Variants in ENTHD1 observed in about 807,000 individuals in gnomAD.
ENTHD1 encodes ENTH domain containing 1.
ENTHD1 carries 23 observed loss-of-function variants against 39.1 expected under a neutral mutation model. That is an observed-to-expected ratio of 0.59 (90% CI 0.42 to 0.83). ENTHD1 has a LOEUF of 0.83. Among genes scored for constraint, ENTHD1 ranks in the 40% least tolerant of loss-of-function variants. The pLI, the probability that ENTHD1 is intolerant of heterozygous loss-of-function variation, is 0.00. For missense variants in ENTHD1, 624 were observed against 705.4 expected, an observed-to-expected ratio of 0.88 and a Z score of 1.31; for synonymous variants, 230 against 258.2, an observed-to-expected ratio of 0.89 and a Z score of 1.05.
chr22:39,757,896 T>G (rs980951945), intron 6 of ENTHD1, among the ~76,000 whole-genome samples: 2 of 152,088 alleles, frequency 1.3e-5, no homozygotes, highest in East Asian at 3.9e-4. Context: ...TGACAGTTCC[T>G]CCTTCATGCA....
chr22:39,826,340 T>A (rs780606594), intron 4 of ENTHD1, among the ~76,000 whole-genome samples: 11 of 152,260 alleles, frequency 7.2e-5, no homozygotes, highest in African/African-American at 1.2e-4. Context: ...TTAAATTTTT[T>A]AATTATTTTT....
chr22:39,872,850 CTT>C (rs35796089), intron 2 of ENTHD1, among the ~76,000 whole-genome samples: 57 of 139,908 alleles, frequency 4.1e-4, no homozygotes, highest in Admixed American at 4.3e-4. Context: ...AGTAAAATCA[CTT>C]TTTTTTTTTT....
intron 6 of ENTHD1, among the ~76,000 whole-genome samples, chr22:39,756,330 A>T (rs1478378026): frequency 6.6e-6 from 1 of 151,634 alleles, no homozygotes; most frequent in Admixed American, 6.6e-5. Context: ...ACACACACAC[A>T]CACACACACG....
intron 3 of ENTHD1, among the ~76,000 whole-genome samples, chr22:39,846,810 C>T (rs2065992744): frequency 6.6e-6 from 1 of 152,060 alleles, no homozygotes; most frequent in Non-Finnish European, 1.5e-5. Flanking sequence ...TCATCACTGG[C>T]CATCAGAGAA....
At chr22:39,805,680 G>A (rs926422416) in intron 5 of ENTHD1, among the ~76,000 whole-genome samples, 7 of 152,140 alleles carry the variant, frequency 4.6e-5, no homozygotes, top group Non-Finnish European at 1.0e-4. Context: ...CTTTGAGGTC[G>A]TTCTCAAGAG....
intron 6 of ENTHD1, among the ~76,000 whole-genome samples, chr22:39,764,111 G>GT (rs1284275073): frequency 6.6e-6 from 1 of 152,086 alleles, no homozygotes; most frequent in Non-Finnish European, 1.5e-5. Flanking sequence ...CTTCAACATG[G>GT]TGGCTTCCAT....
intron 6 of ENTHD1, among the ~76,000 whole-genome samples, chr22:39,755,999 A>G (rs916498780): frequency 2.0e-5 from 3 of 152,070 alleles, no homozygotes; most frequent in Non-Finnish European, 4.4e-5. Context: ...CAACTATGCT[A>G]TTCATCCAAG....
intron 2 of ENTHD1, among the ~76,000 whole-genome samples, chr22:39,876,816 A>G (rs2066294016): frequency 6.6e-6 from 1 of 152,210 alleles, no homozygotes; most frequent in African/African-American, 2.4e-5. Context: ...TTTCTAAAAA[A>G]AGTCAATTGC....
In ENTHD1 at chr22:39,744,056, C is replaced by G. The variant is rs746563037; in HGVS notation, c.1447G>C (p.Glu483Gln). Residue 483 changes from glutamate (E) to glutamine (Q), a missense_variant, in exon 7 of 7, where the codon GAG becomes CAG. Physicochemically the swap from Glu to Gln is conservative, Grantham distance 29. Transcript: ENST00000325157. ...ASRGPVSSDV[E>Q]ENDSLNLLGI... ...AGTAGATTGAGGCTATCATTTTCCT[C>G]TACATCAGAAGACACTGGGCCCCTA... 4 of 1,614,044 alleles carry G rather than the reference C, an allele frequency of 2.5e-6. No homozygotes were observed. In the African/African-American group the frequency reaches 5.3e-5, roughly 22 times the overall value.
rs2066366389 is a variant in ENTHD1 at position 39,884,643 on chromosome 22, C to T, written c.349+2757G>A. ...CAAAGCTACTGTAATCAAAACAGTACAGTACTAGCATAAGGCCTGACATAC... is the reference window on the plus strand; with the variant it reads ...CAAAGCTACTGTAATCAAAACAGTATAGTACTAGCATAAGGCCTGACATAC... On this transcript the variant is annotated intron_variant, in intron 2 of 6. Coordinates refer to ENST00000325157, the MANE Select transcript of ENTHD1 (RefSeq NM_152512.4). Among the ~76,000 whole-genome samples the T allele has an allele frequency of 3.3e-5, 5 of 151,632 alleles. No individual in the cohort carries two copies. In the South Asian group the frequency reaches 1.0e-3, roughly 31 times the overall value.
intron 3 of ENTHD1, among the ~76,000 whole-genome samples, chr22:39,846,024 AT>A (rs1370195658): frequency 6.6e-6 from 1 of 152,132 alleles, no homozygotes; most frequent in Non-Finnish European, 1.5e-5. Context: ...AAATCCATGC[AT>A]TTATGGCCAA....
chr22:39,829,853 C>T (rs994756891), intron 4 of ENTHD1, among the ~76,000 whole-genome samples: 2 of 150,142 alleles, frequency 1.3e-5, no homozygotes, highest in African/African-American at 2.4e-5. Flanking sequence ...AATGTCTTAT[C>T]TTTAAATTTT....
chr22:39,782,945 GAAGA>G (rs1247041550), intron 5 of ENTHD1, among the ~76,000 whole-genome samples: 3 of 152,082 alleles, frequency 2.0e-5, no homozygotes, highest in African/African-American at 4.8e-5. Context: ...TTAGGTAACA[GAAGA>G]AATAAAGGGC....
rs746928602 is a variant in ENTHD1, at chr22:39,887,457, A to G, written c.292T>C (p.Cys98Arg). The change falls in exon 2 of 7, where the codon TGT becomes CGT. Residue 98 changes from cysteine to arginine, a missense_variant. By Grantham distance (180) the Cys-to-Arg change is radical (BLOSUM62 -3). Transcript: ENST00000325157. Reference sequence around the variant, plus strand: ...AAATCTTTTAGTGTTTGAAGGTTACAGAACCCCTCTCTGCAATGCTGAATA... The same window carrying G: ...AAATCTTTTAGTGTTTGAAGGTTACGGAACCCCTCTCTGCAATGCTGAATA... ...KVIQHCREGF[C>R]NLQTLKDFQH... The G allele has an allele frequency of 6.2e-7, 1 of 1,613,886 alleles. No homozygotes were observed. Among genetic ancestry groups the G allele is most frequent in the African/African-American group, 1.3e-5 (1 of 74,938 alleles).
At chr22:39,877,948 G>A (rs2066305164) in intron 2 of ENTHD1, among the ~76,000 whole-genome samples, 2 of 152,114 alleles carry the variant, frequency 1.3e-5, no homozygotes, top group South Asian at 2.1e-4. Context: ...ACAGTTTGAG[G>A]AGACAGAACA....
At chr22:39,864,646 T>C (rs927021470) in intron 2 of ENTHD1, among the ~76,000 whole-genome samples, 1 of 152,110 alleles carries the variant, frequency 6.6e-6, no homozygotes. Flanking sequence ...AGTAAATATT[T>C]ACTGAGTGAC....
intron 5 of ENTHD1, among the ~76,000 whole-genome samples, chr22:39,819,402 G>GA (rs547229617): frequency 5.7e-4 from 66 of 115,198 alleles, no homozygotes; most frequent in Middle Eastern, 4.9e-3. Flanking sequence ...AAGAAACAAA[G>GA]AAAAAAAAAA....
chr22:39,852,179 A>G (rs2066046013), intron 3 of ENTHD1, among the ~76,000 whole-genome samples: 2 of 151,918 alleles, frequency 1.3e-5, no homozygotes, highest in African/African-American at 4.8e-5. Context: ...CCAAAAAAAA[A>G]AAACCCAAAA....
chr22:39,870,778 A>G (rs2066235857), intron 2 of ENTHD1, among the ~76,000 whole-genome samples: 1 of 152,206 alleles, frequency 6.6e-6, no homozygotes, highest in Admixed American at 6.5e-5. Flanking sequence ...CTAGTAAGGG[A>G]GGCCAATGTG....
Sources: gnomAD v4.1 joint callset for allele counts (sites outside exome capture counted in the v4.1 genomes callset) on GRCh38, gnomAD v4.1.1 for gene constraint, MANE v1.5 for transcripts, NCBI Gene and HGNC (gene_info 2026-07-23, HGNC 2026-07-21) for gene names.